The following CCND2 variants were observed in gnomAD, a reference collection of about 807,000 sequenced individuals.
CCND2 encodes cyclin D2, also known as G1/S-specific cyclin-D2.
Under a neutral mutation model 30.2 loss-of-function variants are expected in CCND2, and 6 were observed. The ratio of observed to expected loss-of-function variants is 0.20; its 90% CI spans 0.11 to 0.39. CCND2 has a LOEUF of 0.39. Ranked by LOEUF, CCND2 falls within the 10% of genes least tolerant of loss-of-function variation. The pLI is 1.00. For missense variants in CCND2, 235 were observed against 373.4 expected (o/e 0.63, Z 3.06); for synonymous variants, 150 against 153.1 (o/e 0.98, Z 0.15).
chr12:4,297,154 A>G (rs568808711), intron 4 of CCND2, among the ~76,000 whole-genome samples: 50 of 111,740 alleles, frequency 4.5e-4, no homozygotes, highest in African/African-American at 1.4e-3. Context: ...AGCAGTTCTG[A>G]CCGTTGTCAC....
rs557331305 is a variant in CCND2, at chr12:4,299,657, G to A, written c.721-203G>A. ...CTGCGGTTCCAACAAGCTCGCAGGT[G>A]ATGCTGATGCTGCCAGCCCATGGAC... On this transcript the variant is annotated intron_variant, in intron 4 of 4. Transcript: ENST00000261254. The surrounding 1 kb of genome is among the most constrained non-coding windows in gnomAD (Gnocchi z 5.2). Among the ~76,000 whole-genome samples the A allele has an allele frequency of 6.6e-6, 1 of 152,340 alleles. No homozygotes were observed. Among genetic ancestry groups the A allele is most frequent in the African/African-American group, 2.4e-5 (1 of 41,584 alleles).
intron 4 of CCND2, chr12:4,297,670 C>A (rs3217907): frequency 0.34 from 65,662 of 190,410 alleles, 12,267 homozygotes; most frequent in Admixed American, 0.46. Flanking sequence ...ATAATGCTGC[C>A]ACATGGTCCT....
In CCND2 at chr12:4,291,582, A is replaced by G. The variant is rs557604228; in HGVS notation, c.720+2592A>G. Among the ~76,000 whole-genome samples the G allele has an allele frequency of 2.6e-5, 4 of 152,246 alleles. No homozygotes were observed. In the East Asian group the frequency reaches 7.7e-4, roughly 29 times the overall value. ...CGTGCAAAACCCTAGCAAATTAAGA[A>G]CGTAAACAAAGGTGTGCTACGTAAC... is the stretch of plus-strand genomic sequence containing the variant. On this transcript the variant is annotated intron_variant, in intron 4 of 4. Coordinates refer to ENST00000261254, the MANE Select transcript of CCND2 (RefSeq NM_001759.4).
At chr12:4,296,255 A>G (rs1864166887) in intron 4 of CCND2, among the ~76,000 whole-genome samples, 1 of 152,244 alleles carries the variant, frequency 6.6e-6, no homozygotes, top group African/African-American at 2.4e-5. Flanking sequence ...TTATTGCGGT[A>G]AAAGATACAT....
chr12:4,290,135 G>C (rs546007407), intron 4 of CCND2, among the ~76,000 whole-genome samples: 1 of 152,308 alleles, frequency 6.6e-6, no homozygotes, highest in Non-Finnish European at 1.5e-5. Context: ...GCCTGCACGA[G>C]GGATACGGGA....
intron 3 of CCND2, among the ~76,000 whole-genome samples, chr12:4,280,764 G>T (rs1414297760): frequency 6.6e-6 from 1 of 152,214 alleles, no homozygotes; most frequent in East Asian, 1.9e-4. Flanking sequence ...CCACTGCCCA[G>T]CTGTTGATAG....
chr12:4,301,093 T>G lies in CCND2; in HGVS notation c.*1084T>G, dbSNP rs1474516860. ...TTCCTGCCCCCAGTCTGGGTTACTC[T>G]TCGCTTCTGGTATCTGGCGTTCTTT... On this transcript the variant is annotated 3_prime_UTR_variant, in exon 5 of 5. Coordinates refer to ENST00000261254, the MANE Select transcript of CCND2 (RefSeq NM_001759.4). 3 of 233,500 alleles carry G rather than the reference T, an allele frequency of 1.3e-5. No individual in the cohort carries two copies. The highest frequency in any genetic ancestry group is 2.5e-5 in the Non-Finnish European group (3 of 118,034). 14.5% of individuals were successfully genotyped at this position (233,500 alleles called of 1,614,324 possible). A position where few individuals can be genotyped will look rare whatever the true frequency, so the allele number is the denominator to read the frequency against.
In CCND2 at chr12:4,304,050, G is replaced by A; in HGVS notation, c.*4041G>A. On this transcript the variant is annotated 3_prime_UTR_variant, in exon 5 of 5. Coordinates refer to ENST00000261254, the MANE Select transcript of CCND2 (RefSeq NM_001759.4). The surrounding 1 kb of genome is among the most constrained non-coding windows in gnomAD (Gnocchi z 6.2). Reference sequence around the variant, plus strand: ...AGGGCCTCTCCAGACTGTGCCCTGGGAGCTCTGGGACTGAAAGGTTAAGAA... The same window carrying A: ...AGGGCCTCTCCAGACTGTGCCCTGGAAGCTCTGGGACTGAAAGGTTAAGAA... 1 of 233,342 alleles carries A rather than the reference G, an allele frequency of 4.3e-6. No individual in the cohort carries two copies. The highest frequency in any genetic ancestry group is 2.2e-5 in the African/African-American group (1 of 45,456). The allele number at this position is 233,342 out of a possible 1,614,324, so 14.5% of individuals were successfully genotyped here. A position where few individuals can be genotyped will look rare whatever the true frequency, so the allele number is the denominator to read the frequency against.
intron 3 of CCND2, among the ~76,000 whole-genome samples, chr12:4,284,828 C>T (rs1211917916): frequency 1.3e-5 from 2 of 151,748 alleles, no homozygotes; most frequent in African/African-American, 4.9e-5. Flanking sequence ...CTCCAACTCC[C>T]GGGTTCAAGT....
chr12:4,278,026 A>G (rs574991027), intron 2 of CCND2, among the ~76,000 whole-genome samples: 7 of 152,246 alleles, frequency 4.6e-5, no homozygotes, highest in Non-Finnish European at 1.0e-4. Context: ...GCACTGAGGG[A>G]TGCTGTGACA....
chr12:4,288,007 G>C (rs1864046628), intron 3 of CCND2, among the ~76,000 whole-genome samples: 1 of 152,154 alleles, frequency 6.6e-6, no homozygotes. Flanking sequence ...ATAAAATGGG[G>C]CCTTCAGTCT....
intron 4 of CCND2, 58 bp downstream of exon 4, chr12:4,289,048 G>C: frequency 2.0e-6 from 3 of 1,483,968 alleles, no homozygotes; most frequent in Non-Finnish European, 2.7e-6. Context: ...CTCAGGGAAG[G>C]AGACGACGGA....
intron 4 of CCND2, among the ~76,000 whole-genome samples, chr12:4,296,716 A>AC (rs1474246508): frequency 1.3e-5 from 2 of 152,170 alleles, no homozygotes; most frequent in Non-Finnish European, 1.5e-5. Context: ...AAAAAAAAAA[A>AC]AAAATTGTAA....
Position 4,301,384 on chromosome 12 carries a change from T to C in CCND2, c.*1375T>C, listed in dbSNP as rs141278429. The C allele has an allele frequency of 1.2e-3, 278 of 233,446 alleles. No individual in the cohort carries two copies. The highest frequency in any genetic ancestry group is 1.9e-3 in the Non-Finnish European group (220 of 118,008). The allele number at this position is 233,446 out of a possible 1,614,324, so 14.5% of individuals were successfully genotyped here. ...TTTTTTTTATTGTTGTTGTTAATTT[T>C]ATTGCAAAGTTGTATTCAGCGTACT... On this transcript the variant is annotated 3_prime_UTR_variant, in exon 5 of 5. Coordinates refer to ENST00000261254, the MANE Select transcript of CCND2 (RefSeq NM_001759.4).
In CCND2 at chr12:4,302,236, G is replaced by GA. The variant is rs780931238; in HGVS notation, c.*2233dup. 6.0e-5 allele frequency: 14 copies of GA among 232,902 alleles called. No individual in the cohort carries two copies. Among genetic ancestry groups the GA allele is most frequent in the Non-Finnish European group, 1.0e-4 (12 of 117,700 alleles). The allele number at this position is 232,902 out of a possible 1,614,324, so 14.4% of individuals were successfully genotyped here. A position where few individuals can be genotyped will look rare whatever the true frequency, so the allele number is the denominator to read the frequency against. On this transcript the variant is annotated 3_prime_UTR_variant, in exon 5 of 5. Coordinates refer to ENST00000261254, the MANE Select transcript of CCND2 (RefSeq NM_001759.4). ...AGACCCTGGTATCCTCATCATGATGGAAAAAATACATTGAACCAAGGGATC... is the reference window on the plus strand; with the variant it reads ...AGACCCTGGTATCCTCATCATGATGGAAAAAAATACATTGAACCAAGGGATC...
Position 4,293,337 on chromosome 12 carries a change from A to G in CCND2, c.720+4347A>G, listed in dbSNP as rs555580926. Among the ~76,000 whole-genome samples the G allele has an allele frequency of 6.6e-6, 1 of 152,244 alleles. No homozygotes were observed. The highest frequency in any genetic ancestry group is 1.5e-5 in the Non-Finnish European group (1 of 68,040). ...ACTTAACAGAAGAAAGACTCTAGTC[A>G]TCTGTTCCTTATATTTATCCTTTTT... On this transcript the variant is annotated intron_variant, in intron 4 of 4. Coordinates refer to ENST00000261254, the MANE Select transcript of CCND2 (RefSeq NM_001759.4). The surrounding 1 kb of genome is among the most constrained non-coding windows in gnomAD (Gnocchi z 4.9).
intron 3 of CCND2, among the ~76,000 whole-genome samples, chr12:4,288,327 A>G (rs967510453): frequency 3.3e-5 from 5 of 150,318 alleles, no homozygotes; most frequent in South Asian, 2.1e-4. Context: ...AGCATTATGC[A>G]TAGATTTTGC....
At position 4,303,983 on chromosome 12, in the gene CCND2, C is replaced by T. The variant is rs1208499548; in HGVS notation, c.*3974C>T. 2 of 233,250 alleles carry T rather than the reference C, an allele frequency of 8.6e-6. No homozygotes were observed. Among genetic ancestry groups the T allele is most frequent in the Non-Finnish European group, 1.7e-5 (2 of 118,110 alleles). The allele number at this position is 233,250 out of a possible 1,614,324, so 14.4% of individuals were successfully genotyped here. On this transcript the variant is annotated 3_prime_UTR_variant, in exon 5 of 5. Coordinates refer to ENST00000261254, the MANE Select transcript of CCND2 (RefSeq NM_001759.4). The surrounding 1 kb of genome is among the most constrained non-coding windows in gnomAD (Gnocchi z 4.6). ...ATCCCATTGCTAGCAGGATTGGCAACTCTTCAGACGGAGCTGCGCTTCCCT... is the reference window on the plus strand; with the variant it reads ...ATCCCATTGCTAGCAGGATTGGCAATTCTTCAGACGGAGCTGCGCTTCCCT...
rs1863834052 is a variant in CCND2, at chr12:4,274,458, C to G, written c.195+223C>G. Among the ~76,000 whole-genome samples, 1 of 152,170 alleles carries G rather than the reference C, an allele frequency of 6.6e-6. No individual in the cohort carries two copies. Among genetic ancestry groups the G allele is most frequent in the Non-Finnish European group, 1.5e-5 (1 of 68,024 alleles). ...GGAGGAAAATCTGGGAGAAGCGAGG[C>G]TGTCCTGGGCGGGGGTAGGGGAGCA... On this transcript the variant is annotated intron_variant, in intron 1 of 4. Coordinates refer to ENST00000261254, the MANE Select transcript of CCND2 (RefSeq NM_001759.4). The surrounding 1 kb of genome is among the most constrained non-coding windows in gnomAD (Gnocchi z 7.7).
Sources: gnomAD v4.1 joint callset for allele counts (sites outside exome capture counted in the v4.1 genomes callset) on GRCh38, gnomAD v4.1.1 for gene constraint, Gnocchi (gnomAD v3.1) non-coding constraint, MANE v1.5 for transcripts, NCBI Gene and HGNC (gene_info 2026-07-23, HGNC 2026-07-21) for gene names.